The following EYS variants were observed in gnomAD, a reference collection of about 807,000 sequenced individuals.
The protein encoded by EYS is EGF-like photoreceptor maintenance factor.
In EYS, 250 loss-of-function variants were observed where a neutral mutation model predicts 282.1. The observed-to-expected ratio is 0.89, with a 90% CI of 0.80 to 0.98. The LOEUF is 0.98. Ranked by LOEUF, EYS falls within the 50% of genes least tolerant of loss-of-function variation. The probability of loss-of-function intolerance (pLI) is 0.00; values close to 1 mark genes in which losing one functional copy is unlikely to be tolerated. For synonymous variants in EYS, 1,355 were observed against 1,282.9 expected, an observed-to-expected ratio of 1.06 and a Z score of -1.20; for missense variants, 4,016 against 3,709.0, an observed-to-expected ratio of 1.08 and a Z score of -2.15.
intron 35 of EYS, among the ~76,000 whole-genome samples, chr6:63,950,263 C>G (rs1022254467): frequency 6.6e-6 from 1 of 150,622 alleles, no homozygotes; most frequent in African/African-American, 2.4e-5. Context: ...ACACAGATGT[C>G]CAGATGGCTT....
chr6:64,085,943 C>T (rs1239398018), intron 31 of EYS, among the ~76,000 whole-genome samples: 1 of 152,164 alleles, frequency 6.6e-6, no homozygotes, highest in Non-Finnish European at 1.5e-5. Context: ...CTAGAAATCT[C>T]CATAATACTA....
intron 22 of EYS, among the ~76,000 whole-genome samples, chr6:64,711,035 G>A (rs747594276): frequency 4.6e-5 from 7 of 152,150 alleles, no homozygotes; most frequent in African/African-American, 1.2e-4. Flanking sequence ...ACAGAGCTAC[G>A]GAGATTTTTG....
At chr6:65,231,085 G>GTATATATATATACTTTTATATATATT (rs1766762108) in intron 12 of EYS, among the ~76,000 whole-genome samples, 1 of 91,542 alleles carries the variant, frequency 1.1e-5, no homozygotes, top group Non-Finnish European at 2.3e-5. Flanking sequence ...ATATATATGT[G>GTATATATATATACTTTTATATATATT]TATATATATA....
chr6:65,022,445 C>T (rs1051360451), intron 13 of EYS, among the ~76,000 whole-genome samples: 51 of 152,238 alleles, frequency 3.4e-4, no homozygotes, highest in African/African-American at 1.2e-3. Context: ...ATGATGACAT[C>T]TTGGCTAGGC....
chr6:65,601,062 A>G (rs1765601793), intron 2 of EYS, among the ~76,000 whole-genome samples: 2 of 151,954 alleles, frequency 1.3e-5, no homozygotes, highest in Non-Finnish European at 2.9e-5. Flanking sequence ...GTTGCTTATT[A>G]TGAATACTAA....
At chr6:65,526,354 A>C (rs1767563661) in intron 2 of EYS, among the ~76,000 whole-genome samples, 1 of 152,178 alleles carries the variant, frequency 6.6e-6, no homozygotes, top group African/African-American at 2.4e-5. Flanking sequence ...AATTTTGAGA[A>C]GGTCCTTTGG....
At chr6:64,559,511 A>G (rs766915022) in intron 26 of EYS, among the ~76,000 whole-genome samples, 3 of 152,106 alleles carry the variant, frequency 2.0e-5, no homozygotes, top group Non-Finnish European at 4.4e-5. Flanking sequence ...AAAAATCAAT[A>G]CAAAGTTACA....
chr6:64,037,472 G>A (rs1160856745), intron 33 of EYS, among the ~76,000 whole-genome samples: 1 of 152,116 alleles, frequency 6.6e-6, no homozygotes, highest in African/African-American at 2.4e-5. Flanking sequence ...TTCTTTTATG[G>A]AATTGCTATT....
chr6:65,329,531 A>T (rs955097615), intron 11 of EYS: 2 of 982,930 alleles, frequency 2.0e-6, no homozygotes, highest in African/African-American at 3.5e-5. Context: ...CCAACCCAAA[A>T]ATACATTCAA....
intron 30 of EYS, among the ~76,000 whole-genome samples, chr6:64,256,451 A>G (rs1035412673): frequency 6.6e-6 from 1 of 152,036 alleles, no homozygotes; most frequent in Non-Finnish European, 1.5e-5. Flanking sequence ...TGTGGAAACC[A>G]CTTATACTGA....
chr6:65,199,235 T>C (rs1370425419), intron 12 of EYS, among the ~76,000 whole-genome samples: 2 of 152,134 alleles, frequency 1.3e-5, no homozygotes, highest in African/African-American at 2.4e-5. Flanking sequence ...AATATTTGTG[T>C]AACCATGGAC....
At chr6:64,351,850 T>C (rs1244494438) in intron 29 of EYS, among the ~76,000 whole-genome samples, 2 of 151,592 alleles carry the variant, frequency 1.3e-5, no homozygotes, top group Non-Finnish European at 3.0e-5. Flanking sequence ...ATACCATGTA[T>C]GTATAATGCC....
chr6:64,967,328 A>ATTT (rs573625686), intron 14 of EYS, among the ~76,000 whole-genome samples: 71 of 143,280 alleles, frequency 5.0e-4, no homozygotes, highest in East Asian at 1.6e-3. Context: ...TCAAAACTCC[A>ATTT]TTTTTTTTTT....
intron 12 of EYS, among the ~76,000 whole-genome samples, chr6:65,269,136 C>T (rs959989704): frequency 1.3e-5 from 2 of 152,084 alleles, no homozygotes; most frequent in Non-Finnish European, 2.9e-5. Flanking sequence ...CAACCAAATC[C>T]TGCTCAATAA....
At chr6:64,133,737 T>C (rs993730057) in intron 31 of EYS, among the ~76,000 whole-genome samples, 10 of 152,100 alleles carry the variant, frequency 6.6e-5, no homozygotes, top group Non-Finnish European at 1.3e-4. Flanking sequence ...TCCTAGAGCT[T>C]TCCTTCTGTT....
At chr6:64,670,859 T>A (rs1213480564) in intron 22 of EYS, among the ~76,000 whole-genome samples, 1 of 152,100 alleles carries the variant, frequency 6.6e-6, no homozygotes, top group East Asian at 1.9e-4. Context: ...TTAAGGATAG[T>A]AACTCACAGT....
intron 8 of EYS, 127 bp downstream of exon 8, chr6:65,384,259 C>T: frequency 1.5e-6 from 1 of 648,436 alleles, no homozygotes; most frequent in Non-Finnish European, 2.8e-6. Context: ...ACATAACTCA[C>T]ATTTAAATAT....
intron 36 of EYS, among the ~76,000 whole-genome samples, chr6:63,827,777 G>C (rs1229851051): frequency 6.6e-6 from 1 of 150,844 alleles, no homozygotes; most frequent in Non-Finnish European, 1.5e-5. Context: ...CCGGGAAGCG[G>C]AGCTTGCAGT....
intron 12 of EYS, among the ~76,000 whole-genome samples, chr6:65,059,449 C>T (rs1773507606): frequency 6.6e-6 from 1 of 152,062 alleles, no homozygotes; most frequent in African/African-American, 2.4e-5. Flanking sequence ...AGTATTACAA[C>T]TTGGATCAAG....
Sources: gnomAD v4.1 joint callset for allele counts (sites outside exome capture counted in the v4.1 genomes callset) on GRCh38, gnomAD v4.1.1 for gene constraint, MANE v1.5 for transcripts, NCBI Gene and HGNC (gene_info 2026-07-23, HGNC 2026-07-21) for gene names.